ISX: variants seen among roughly 807,000 people sequenced by gnomAD.
ISX encodes the protein intestine specific homeobox.
A neutral mutation model predicts 16.9 loss-of-function variants in ISX; 15 were observed. The ratio of observed to expected loss-of-function variants is 0.89; its 90% confidence interval spans 0.59 to 1.36. ISX has a LOEUF of 1.36. Ranked by LOEUF, ISX falls within the 40% of genes most tolerant of loss-of-function variation. The pLI is 0.00. For synonymous variants in ISX, 125 were observed against 119.7 expected, an observed-to-expected ratio of 1.04 and a Z score of -0.29; for missense variants, 316 against 306.1, an observed-to-expected ratio of 1.03 and a Z score of -0.24.
At chr22:35,070,323 C>T (rs776902040) in intron 2 of ISX, among the ~76,000 whole-genome samples, 1 of 152,204 alleles carries the variant, frequency 6.6e-6, no homozygotes, top group Non-Finnish European at 1.5e-5. Context: ...CTCTCTCCTC[C>T]AAGGAGAGGG....
rs373068000 is a variant in ISX, at chr22:35,082,613, G to T, written c.325G>T (p.Val109Phe). The T allele has an allele frequency of 5.6e-6, 9 of 1,614,174 alleles. No individual in the cohort carries two copies. Among genetic ancestry groups the T allele is most frequent in the Non-Finnish European group, 7.6e-6 (9 of 1,180,036 alleles). ...KIFHFTHYPDVHIRSQLAARI... is the reference protein window; with the variant it reads ...KIFHFTHYPDFHIRSQLAARI... ...CTTCCACTTTACCCACTACCCAGAC[G>T]TTCACATCCGCAGCCAGCTGGCAGC... is the stretch of plus-strand genomic sequence containing the variant. The change falls in exon 3 of 5, where the codon GTT (valine) becomes TTT (phenylalanine). Residue 109 changes from valine (V) to phenylalanine (F), a missense_variant. Val to Phe is a conservative substitution (Grantham distance 50, BLOSUM62 -1). Coordinates refer to ENST00000404699, the MANE Select transcript of ISX (RefSeq NM_001303508.2).
At chr22:35,082,754 T>C in intron 3 of ISX, 85 bp downstream of exon 3, 1 of 1,440,040 alleles carries the variant, frequency 6.9e-7, no homozygotes, top group Middle Eastern at 1.8e-4. Flanking sequence ...CTTTTCGGGT[T>C]GCCCCATCTA....
At chr22:35,072,602 G>A (rs1265315344) in intron 2 of ISX, among the ~76,000 whole-genome samples, 1 of 152,174 alleles carries the variant, frequency 6.6e-6, no homozygotes, top group African/African-American at 2.4e-5. Context: ...CAATCATAGG[G>A]CCCAGAATGT....
chr22:35,084,388 G>C lies in ISX; in HGVS notation c.387G>C (p.Trp129Cys). The C allele has an allele frequency of 6.2e-7, 1 of 1,612,908 alleles. No individual in the cohort carries two copies. The highest frequency in any genetic ancestry group is 1.1e-5 in the South Asian group (1 of 90,952). ...TCCTTTCTCCCTGATTACAGATCTGGTTCCAGAATCAGCGAGCCAAGTGGC... is the reference window on the plus strand; with the variant it reads ...TCCTTTCTCCCTGATTACAGATCTGCTTCCAGAATCAGCGAGCCAAGTGGC... ...INLPEARVQI[W>C]FQNQRAKWRK... is the part of the protein sequence containing the mutation. Residue 129 changes from tryptophan (W) to cysteine (C), a missense_variant, in exon 4 of 5, where the codon TGG becomes TGC. Trp to Cys is a radical substitution (Grantham distance 215). Transcript: ENST00000404699.
chr22:35,070,585 C>G (rs988377480), intron 2 of ISX, among the ~76,000 whole-genome samples: 2 of 152,214 alleles, frequency 1.3e-5, no homozygotes, highest in Non-Finnish European at 2.9e-5. Context: ...AGGTATCTTC[C>G]CTTGCCTGCT....
Position 35,086,933 on chromosome 22 carries a change from C to T in ISX, c.*1240C>T, listed in dbSNP as rs1163604117. The T allele has an allele frequency of 6.6e-6, 1 of 152,242 alleles. No homozygotes were observed. The highest frequency in any genetic ancestry group is 1.5e-5 in the Non-Finnish European group (1 of 68,058). The allele number at this position is 152,242 out of a possible 1,614,324, so 9.4% of individuals were successfully genotyped here. ...CACAAGCCTAAATTCCAGGAATCTT[C>T]CCCAAATCCCAGATCCTCTGCAATC... On this transcript the variant is annotated 3_prime_UTR_variant, in exon 5 of 5. Transcript: ENST00000404699.
rs1230016328 is a variant in ISX at position 35,067,278 on chromosome 22, G to A, written c.191G>A (p.Gly64Asp). 2 of 1,590,592 alleles carry A rather than the reference G, an allele frequency of 1.3e-6. No individual in the cohort carries two copies. Among genetic ancestry groups the A allele is most frequent in the South Asian group, 2.3e-5 (2 of 87,274 alleles). Residue 64 changes from glycine (G) to aspartate (D), a missense_variant, in exon 2 of 5, where the codon GGC (glycine) becomes GAC (aspartate). Physicochemically the swap from Gly to Asp is moderately conservative, Grantham distance 94 (BLOSUM62 -1). Coordinates refer to ENST00000404699, the MANE Select transcript of ISX (RefSeq NM_001303508.2). ...EEGPGEAAAS[G>D]SGLEKPPKDQ... ...GGCCCCGGAGAAGCTGCGGCCTCAG[G>A]CTCTGGGCTAGAAAAGCCTCCAAAG...
chr22:35,078,995 A>G (rs1411962955), intron 2 of ISX, among the ~76,000 whole-genome samples: 1 of 152,208 alleles, frequency 6.6e-6, no homozygotes, highest in East Asian at 1.9e-4. Flanking sequence ...ATGAATCCAG[A>G]ATGTGGCACA....
At chr22:35,075,035 C>T (rs4821355) in intron 2 of ISX, among the ~76,000 whole-genome samples, 86,539 of 152,100 alleles carry the variant, frequency 0.57, 25,119 homozygotes, top group Middle Eastern at 0.65. Context: ...CAGACCTAAA[C>T]GCATTGTCAT....
At position 35,084,428 on chromosome 22, in the gene ISX, AT is replaced by A; in HGVS notation, c.429del (p.Ile143MetfsTer10). On this transcript the variant is annotated frameshift_variant, in exon 4 of 5. Transcript: ENST00000404699. LOFTEE classifies it high-confidence loss of function. ...QRAKWRKQEK[I>X]GNLGAPQQLS... The stretch of plus-strand genomic sequence containing the variant: ...AGCCAAGTGGCGGAAGCAGGAGAAG[AT>A]TGGCAACCTGGGGGCTCCACAGCAG... The A allele has an allele frequency of 6.2e-7, 1 of 1,613,984 alleles. No individual in the cohort carries two copies. The highest frequency in any genetic ancestry group is 8.5e-7 in the Non-Finnish European group (1 of 1,179,928).
intron 4 of ISX, 42 bp downstream of exon 4, chr22:35,084,541 G>T: frequency 7.3e-7 from 1 of 1,363,162 alleles, no homozygotes; most frequent in Non-Finnish European, 1.0e-6. Context: ...GGGAGCCATT[G>T]TCTGGAAATA....
chr22:35,073,736 G>A lies in ISX; in HGVS notation c.229+6420G>A, dbSNP rs75299014. Among the ~76,000 whole-genome samples, 13 of 152,326 alleles carry A rather than the reference G, an allele frequency of 8.5e-5. No individual in the cohort carries two copies. In the East Asian group the frequency reaches 1.9e-3, roughly 23 times the overall value. On this transcript the variant is annotated intron_variant, in intron 2 of 4. Transcript: ENST00000404699. ...CACATGGAGGGAGCCCCATGGACAA[G>A]GGCCTGTTAATAGGTGATGTCCAAG... is the stretch of plus-strand genomic sequence containing the variant.
rs777293072 is a variant in ISX at position 35,085,688 on chromosome 22, A to G, written c.733A>G (p.Thr245Ala). 1.9e-6 allele frequency: 3 copies of G among 1,614,196 alleles called. No homozygotes were observed. The East Asian group carries it at 6.7e-5, about 36-fold the overall frequency. ...PKWGSICATS[T>A] The stretch of plus-strand genomic sequence containing the variant: ...ATGGGGCAGCATCTGTGCTACTTCA[A>G]CATAGAGATTGGACATGCTCTCCCC... The change falls in exon 5 of 5, where the codon ACA (threonine) becomes GCA (alanine). Residue 245 changes from threonine (T) to alanine (A), a missense_variant. Transcript: ENST00000404699.
intron 3 of ISX, among the ~76,000 whole-genome samples, chr22:35,083,505 G>T (rs1353442231): frequency 1.3e-5 from 2 of 152,212 alleles, no homozygotes; most frequent in African/African-American, 4.8e-5. Flanking sequence ...GGTATTTCCT[G>T]CCCTCTTCAC....
At position 35,067,195 on chromosome 22, in the gene ISX, C is replaced by T. The variant is rs1928724982; in HGVS notation, c.108C>T (p.Ile36=). 6.2e-7 allele frequency: 1 copy of T among 1,611,810 alleles called. No individual in the cohort carries two copies. The highest frequency in any genetic ancestry group is 8.5e-7 in the Non-Finnish European group (1 of 1,178,954). The change falls in exon 2 of 5, where the codon ATC becomes ATT. Residue 36 remains isoleucine (I), a synonymous_variant. Transcript: ENST00000404699. Reference sequence around the variant, plus strand: ...GCCTGTCCTTCTCCATTGAGGCGATCCTAAAGAGGCCTGCCAGGAGGAGTG... The same window carrying T: ...GCCTGTCCTTCTCCATTGAGGCGATTCTAAAGAGGCCTGCCAGGAGGAGTG... ...KLSLSFSIEA[I]LKRPARRSDM... is the part of the protein sequence containing the mutation.
At chr22:35,072,650 C>T (rs1247705792) in intron 2 of ISX, among the ~76,000 whole-genome samples, 1 of 152,138 alleles carries the variant, frequency 6.6e-6, no homozygotes, top group Non-Finnish European at 1.5e-5. Flanking sequence ...GAGGAGGAGG[C>T]TTAAAACATT....
At chr22:35,077,303 C>T (rs75541501) in intron 2 of ISX, among the ~76,000 whole-genome samples, 2 of 152,200 alleles carry the variant, frequency 1.3e-5, no homozygotes, top group Non-Finnish European at 2.9e-5. Context: ...CTTCTCCCAC[C>T]TTGTTCCCTT....
In ISX at chr22:35,085,511, C is replaced by T. The variant is rs768599663; in HGVS notation, c.556C>T (p.Pro186Ser). ...RRLAPPTSCCPSAQDQLASAW... is the reference protein window; with the variant it reads ...RRLAPPTSCCSSAQDQLASAW... The stretch of plus-strand genomic sequence containing the variant: ...GCTGGCTCCTCCCACGAGCTGTTGT[C>T]CATCGGCTCAAGATCAGCTGGCCTC... Residue 186 changes from proline (P) to serine (S), a missense_variant, in exon 5 of 5, where the codon CCA (proline) becomes TCA (serine). Physicochemically the swap from Pro to Ser is moderately conservative, Grantham distance 74. Transcript: ENST00000404699. 6.2e-7 allele frequency: 1 copy of T among 1,614,194 alleles called. No homozygotes were observed. Among genetic ancestry groups the T allele is most frequent in the South Asian group, 1.1e-5 (1 of 91,088 alleles).
At chr22:35,068,467 G>A (rs1462979703) in intron 2 of ISX, among the ~76,000 whole-genome samples, 1 of 152,152 alleles carries the variant, frequency 6.6e-6, no homozygotes, top group African/African-American at 2.4e-5. Context: ...TTTTCCAAAG[G>A]GAAAGGGTCT....
Sources: allele counts gnomAD v4.1 joint callset (sites outside exome capture counted in the v4.1 genomes callset), GRCh38; gene constraint gnomAD v4.1.1; transcripts MANE v1.5; gene names NCBI Gene and HGNC (gene_info 2026-07-23, HGNC 2026-07-21).